The following RNF217 variants were observed in gnomAD, a reference collection of about 807,000 sequenced individuals.
RNF217 encodes the protein E3 ubiquitin-protein ligase RNF217.
In RNF217, 31 loss-of-function variants were observed where a neutral mutation model predicts 57.8. That is an observed-to-expected ratio of 0.54 (90% CI 0.40 to 0.72). The LOEUF is 0.72. Among genes scored for constraint, RNF217 ranks in the 30% least tolerant of loss-of-function variants. The pLI is 0.00. For synonymous variants in RNF217, 313 were observed against 294.0 expected, an observed-to-expected ratio of 1.06 and a Z score of -0.66; for missense variants, 696 against 708.3, an observed-to-expected ratio of 0.98 and a Z score of 0.20.
At chr6:125,079,438 T>TAA (rs760651906) in intron 4 of RNF217, among the ~76,000 whole-genome samples, 10 of 125,948 alleles carry the variant, frequency 7.9e-5, no homozygotes, top group African/African-American at 2.0e-4. Context: ...AATACTCAAT[T>TAA]AAAAAAAAAA....
intron 1 of RNF217, among the ~76,000 whole-genome samples, chr6:124,965,571 CA>C (rs1315889183): frequency 2.0e-5 from 3 of 149,828 alleles, no homozygotes; most frequent in South Asian, 4.2e-4. Flanking sequence ...AGACTCCTCT[CA>C]AAAAAAAAGA....
chr6:124,980,589 G>C (rs908817387), intron 1 of RNF217, among the ~76,000 whole-genome samples: 1 of 152,012 alleles, frequency 6.6e-6, no homozygotes, highest in East Asian at 1.9e-4. Context: ...GTTCCCTTCT[G>C]GTGTAAGTTC....
rs977100695 is a variant in RNF217 at position 125,048,125 on chromosome 6, A to C, written c.1116+2681A>C. On this transcript the variant is annotated intron_variant, in intron 2 of 5. Coordinates refer to ENST00000521654, the MANE Select transcript of RNF217 (RefSeq NM_001286398.3). ...TGTTAACATTAACTACCTGGTTTAC[A>C]TGCCCATACCTGTCTGGGTATTATA... 5.5e-5 allele frequency: 61 copies of C among 1,110,362 alleles called. 1 individual carries two copies. Among genetic ancestry groups the C allele is most frequent in the South Asian group, 5.0e-4 (36 of 71,728 alleles). 68.8% of individuals were successfully genotyped at this position (1,110,362 alleles called of 1,614,324 possible).
At chr6:125,000,185 C>G (rs970926376) in intron 1 of RNF217, among the ~76,000 whole-genome samples, 1 of 151,818 alleles carries the variant, frequency 6.6e-6, no homozygotes, top group Non-Finnish European at 1.5e-5. Context: ...AGTATAAAAC[C>G]TTGCCACATC....
intron 1 of RNF217, among the ~76,000 whole-genome samples, chr6:125,032,724 T>G (rs1786414363): frequency 6.6e-6 from 1 of 152,170 alleles, no homozygotes; most frequent in African/African-American, 2.4e-5. Flanking sequence ...TATGATCATT[T>G]TTGAGCTTAT....
At chr6:125,056,165 G>A (rs993832996) in intron 2 of RNF217, among the ~76,000 whole-genome samples, 9 of 152,076 alleles carry the variant, frequency 5.9e-5, no homozygotes, top group South Asian at 4.1e-4. Flanking sequence ...AACAAATGCC[G>A]TTTAGTATAA....
chr6:124,998,984 T>C (rs992670897), intron 1 of RNF217, among the ~76,000 whole-genome samples: 1 of 152,218 alleles, frequency 6.6e-6, no homozygotes, highest in Non-Finnish European at 1.5e-5. Context: ...TGCCACTTTT[T>C]GTTTTCAAAA....
intron 1 of RNF217, among the ~76,000 whole-genome samples, chr6:125,003,626 T>C (rs192072642): frequency 4.6e-5 from 7 of 152,298 alleles, no homozygotes. Flanking sequence ...AGGTGATGGA[T>C]TTGTTAATTA....
At chr6:125,049,210 G>A (rs1331082643) in intron 2 of RNF217, among the ~76,000 whole-genome samples, 1 of 152,022 alleles carries the variant, frequency 6.6e-6, no homozygotes, top group Non-Finnish European at 1.5e-5. Flanking sequence ...TTTGACTAAT[G>A]TCCTTATGTT....
chr6:125,037,649 C>T (rs1330023475), intron 1 of RNF217, among the ~76,000 whole-genome samples: 1 of 152,134 alleles, frequency 6.6e-6, no homozygotes, highest in African/African-American at 2.4e-5. Context: ...AGGCGGACAT[C>T]AGTGAGTCTG....
chr6:125,000,888 A>AT (rs1276504821), intron 1 of RNF217, among the ~76,000 whole-genome samples: 1 of 152,070 alleles, frequency 6.6e-6, no homozygotes, highest in African/African-American at 2.4e-5. Flanking sequence ...TACCACAGGG[A>AT]TTTTTTATTC....
chr6:125,023,876 A>G (rs981986749), intron 1 of RNF217, among the ~76,000 whole-genome samples: 1 of 152,138 alleles, frequency 6.6e-6, no homozygotes, highest in African/African-American at 2.4e-5. Context: ...TAAAAAGTCA[A>G]ACTCATAGAA....
At chr6:125,027,312 C>T (rs988531106) in intron 1 of RNF217, among the ~76,000 whole-genome samples, 2 of 152,150 alleles carry the variant, frequency 1.3e-5, no homozygotes, top group African/African-American at 4.8e-5. Flanking sequence ...CCCAACTACC[C>T]TTCCCAGCCT....
intron 1 of RNF217, among the ~76,000 whole-genome samples, chr6:125,002,416 C>A (rs553131552): frequency 6.6e-6 from 1 of 151,866 alleles, no homozygotes; most frequent in African/African-American, 2.4e-5. Context: ...ATTTCTGTAT[C>A]CAAATGCTGT....
chr6:124,973,559 T>C (rs935226297), intron 1 of RNF217, among the ~76,000 whole-genome samples: 7 of 151,886 alleles, frequency 4.6e-5, no homozygotes, highest in African/African-American at 1.7e-4. Context: ...TGATTGAAAA[T>C]AAATTATAAT....
At chr6:125,051,348 G>A (rs1190686133) in intron 2 of RNF217, among the ~76,000 whole-genome samples, 3 of 151,670 alleles carry the variant, frequency 2.0e-5, no homozygotes, top group Non-Finnish European at 1.5e-5. Flanking sequence ...CCCCGAGATC[G>A]TGTGTTAAAG....
chr6:125,046,453 A>G (rs939287034), intron 2 of RNF217: 43 of 382,690 alleles, frequency 1.1e-4, no homozygotes, highest in Admixed American at 7.0e-4. Context: ...GAGAACTTCC[A>G]TGACACACCA....
chr6:124,980,944 A>G (rs533076535), intron 1 of RNF217, among the ~76,000 whole-genome samples: 2 of 152,322 alleles, frequency 1.3e-5, no homozygotes. Context: ...GATATGTTCC[A>G]TGTGCATGTT....
At chr6:125,051,360 A>T (rs920833642) in intron 2 of RNF217, among the ~76,000 whole-genome samples, 1 of 151,864 alleles carries the variant, frequency 6.6e-6, no homozygotes, top group African/African-American at 2.4e-5. Context: ...GTGTTAAAGT[A>T]GGCCAAGTGT....
Sources: allele counts gnomAD v4.1 joint callset (sites outside exome capture counted in the v4.1 genomes callset), GRCh38; gene constraint gnomAD v4.1.1; transcripts MANE v1.5; gene names NCBI Gene and HGNC (gene_info 2026-07-23, HGNC 2026-07-21).